The following DGKH variants were observed in gnomAD, a reference collection of about 807,000 sequenced individuals.
DGKH encodes DAG kinase eta.
DGKH carries 90 observed loss-of-function variants against 159.3 expected under a neutral mutation model. The observed-to-expected ratio is 0.57, with a 90% CI of 0.48 to 0.67. DGKH has a LOEUF of 0.67. Among genes scored for constraint, DGKH ranks in the 30% least tolerant of loss-of-function variants. The probability of loss-of-function intolerance (pLI) is 0.00; values close to 1 mark genes in which losing one functional copy is unlikely to be tolerated. For synonymous variants in DGKH, 536 were observed against 553.8 expected (o/e 0.97, Z 0.45); for missense variants, 1,181 against 1,506.1 (o/e 0.78, Z 3.57).
In DGKH at chr13:42,210,771, G is replaced by C. The variant is rs758579576; in HGVS notation, c.3014+6G>C. 1.7e-5 allele frequency: 27 copies of C among 1,604,820 alleles called. No homozygotes were observed. Among genetic ancestry groups the C allele is most frequent in the Non-Finnish European group, 2.2e-5 (26 of 1,177,296 alleles). On this transcript the variant is annotated splice_donor_region_variant and intron_variant, in intron 24 of 29. Transcript: ENST00000337343. ...GCAGAGGAGCTCATTACTAGGTAGG[G>C]GGCTCTGCTGACTTTTCAGGCTGTG...
intron 1 of DGKH, among the ~76,000 whole-genome samples, chr13:42,072,033 G>A (rs1397271135): frequency 6.6e-6 from 1 of 152,176 alleles, no homozygotes; most frequent in Non-Finnish European, 1.5e-5. Flanking sequence ...AGATTCCCAA[G>A]ATGGTCTTTA....
At chr13:42,219,119 C>G in intron 26 of DGKH, 111 bp from the exon 27 acceptor site, 1 of 1,299,900 alleles carries the variant, frequency 7.7e-7, no homozygotes, top group Non-Finnish European at 1.0e-6. Context: ...TTAAAAAATA[C>G]TACCTTAATA....
chr13:42,204,807 G>A (rs1957424520), intron 20 of DGKH, among the ~76,000 whole-genome samples: 1 of 152,140 alleles, frequency 6.6e-6, no homozygotes, highest in Non-Finnish European at 1.5e-5. Flanking sequence ...AGACATTAAA[G>A]AAAATATTGG....
intron 1 of DGKH, among the ~76,000 whole-genome samples, chr13:42,101,783 G>C (rs528510409): frequency 7.0e-4 from 107 of 151,988 alleles, no homozygotes; most frequent in Non-Finnish European, 1.1e-3. Context: ...GAGAGAGAGA[G>C]AGAGAGAGAG....
At chr13:42,061,784 C>G (rs1422667870) in intron 1 of DGKH, among the ~76,000 whole-genome samples, 3 of 152,154 alleles carry the variant, frequency 2.0e-5, no homozygotes, top group Non-Finnish European at 2.9e-5. Flanking sequence ...TCTATTCATT[C>G]AACCAATTTT....
downstream of DGKH, among the ~76,000 whole-genome samples, chr13:42,243,270 C>T (rs1014370240): frequency 6.6e-6 from 1 of 152,126 alleles, no homozygotes; most frequent in East Asian, 1.9e-4. Context: ...ATACAGTATG[C>T]GATTTTTTTT....
rs78281455 is a variant in DGKH at position 42,157,860 on chromosome 13, A to T, written c.623-1406A>T. 1.8e-3 allele frequency among the ~76,000 whole-genome samples: 269 copies of T among 152,322 alleles called. 4 individuals are homozygous for T. The East Asian group carries it at 0.043, about 25-fold the overall frequency. On this transcript the variant is annotated intron_variant, in intron 5 of 29. Transcript: ENST00000337343. Reference sequence around the variant, plus strand: ...AACCTCTGCCTTCCTGGGCTCAAGCAATTCTTATGTCTCATAAGAATCCCG... The same window carrying T: ...AACCTCTGCCTTCCTGGGCTCAAGCTATTCTTATGTCTCATAAGAATCCCG...
intron 17 of DGKH, 90 bp from the exon 18 acceptor site, chr13:42,198,388 T>C (rs1957256569): frequency 9.1e-7 from 1 of 1,103,522 alleles, no homozygotes; most frequent in Non-Finnish European, 1.3e-6. Flanking sequence ...CTTTTAAAAG[T>C]AAGATATTTG....
intron 21 of DGKH, among the ~76,000 whole-genome samples, chr13:42,208,734 G>A (rs1486550191): frequency 2.0e-5 from 3 of 151,386 alleles, no homozygotes; most frequent in African/African-American, 7.3e-5. Flanking sequence ...TTTAATGAGA[G>A]GTATGAGTAG....
chr13:42,201,313 G>A (rs976233924), intron 20 of DGKH, among the ~76,000 whole-genome samples: 5 of 152,082 alleles, frequency 3.3e-5, no homozygotes, highest in Admixed American at 2.0e-4. Context: ...AGGACACATA[G>A]GAAGTTGTTT....
At position 42,239,869 on chromosome 13, in the gene DGKH, T is replaced by C. The variant is rs1470589631; in HGVS notation, c.*10681T>C. 6.6e-6 allele frequency: 1 copy of C among 152,250 alleles called. No individual in the cohort carries two copies. The allele number at this position is 152,250 out of a possible 1,614,324, so 9.4% of individuals were successfully genotyped here. ...CACCAACCTTCCCTCTGTTGACTTT[T>C]GTAATCCAGGAATTTGGAACTACTT... On this transcript the variant is annotated 3_prime_UTR_variant, in exon 30 of 30. Coordinates refer to ENST00000337343, the MANE Select transcript of DGKH (RefSeq NM_178009.5).
At chr13:42,112,867 C>T (rs1351016084) in intron 1 of DGKH, among the ~76,000 whole-genome samples, 3 of 152,224 alleles carry the variant, frequency 2.0e-5, no homozygotes, top group Admixed American at 1.3e-4. Flanking sequence ...AGGGGGCATA[C>T]AGCAGCTGGA....
chr13:42,143,184 A>G (rs1325310438), intron 3 of DGKH, among the ~76,000 whole-genome samples: 1 of 152,106 alleles, frequency 6.6e-6, no homozygotes, highest in Non-Finnish European at 1.5e-5. Flanking sequence ...GGTTCTGTTT[A>G]TATGCTGGAT....
chr13:42,130,065 C>T (rs1475313338), intron 3 of DGKH, among the ~76,000 whole-genome samples: 1 of 152,212 alleles, frequency 6.6e-6, no homozygotes, highest in Non-Finnish European at 1.5e-5. Context: ...TTAGGTGATT[C>T]ATTCGGCAGC....
At chr13:42,172,538 A>G (rs1279945092) in intron 11 of DGKH, among the ~76,000 whole-genome samples, 1 of 152,178 alleles carries the variant, frequency 6.6e-6, no homozygotes, top group African/African-American at 2.4e-5. Context: ...ATGATACACT[A>G]GGTTCTGTTT....
upstream of DGKH, among the ~76,000 whole-genome samples, chr13:42,046,848 G>A (rs9525563): frequency 0.56 from 84,709 of 152,090 alleles, 24,909 homozygotes; most frequent in African/African-American, 0.74. Context: ...CAGTTTGTCA[G>A]TTGGGGCCTT....
intron 11 of DGKH, among the ~76,000 whole-genome samples, chr13:42,172,866 G>T (rs1256387226): frequency 6.6e-6 from 1 of 152,000 alleles, no homozygotes; most frequent in Non-Finnish European, 1.5e-5. Flanking sequence ...GTAGAGACGG[G>T]GTTTCACCAT....
chr13:42,162,858 CT>C (rs35340204), intron 7 of DGKH, among the ~76,000 whole-genome samples: 17,978 of 147,920 alleles, frequency 0.12, 1,570 homozygotes, highest in East Asian at 0.43. Context: ...TTGCGTATGT[CT>C]TTTTTTTTAA....
intron 21 of DGKH, among the ~76,000 whole-genome samples, chr13:42,206,854 A>G (rs1957486134): frequency 6.6e-6 from 1 of 151,724 alleles, no homozygotes; most frequent in Non-Finnish European, 1.5e-5. Context: ...CACATCTGCA[A>G]AGTTCCTTTT....
Sources: allele counts gnomAD v4.1 joint callset (sites outside exome capture counted in the v4.1 genomes callset), GRCh38; gene constraint gnomAD v4.1.1; transcripts MANE v1.5; gene names NCBI Gene and HGNC (gene_info 2026-07-23, HGNC 2026-07-21).